The following NKAIN3 variants were observed in gnomAD, a reference collection of about 807,000 sequenced individuals.
The protein encoded by NKAIN3 is sodium/potassium-transporting ATPase subunit beta-1-interacting protein 3.
In NKAIN3, 25 loss-of-function variants were observed where a neutral mutation model predicts 30.2. The observed-to-expected ratio is 0.83, with a 90% CI of 0.60 to 1.16. NKAIN3 has a LOEUF of 1.16. Among genes scored for constraint, NKAIN3 ranks in the 50% most tolerant of loss-of-function variants. The pLI, the probability that NKAIN3 is intolerant of heterozygous loss-of-function variation, is 0.00. For missense variants in NKAIN3, 225 were observed against 254.1 expected, an observed-to-expected ratio of 0.89 and a Z score of 0.78; for synonymous variants, 91 against 89.6, an observed-to-expected ratio of 1.02 and a Z score of -0.09.
chr8:62,388,073 C>T (rs1022281790), intron 1 of NKAIN3, among the ~76,000 whole-genome samples: 1 of 152,054 alleles, frequency 6.6e-6, no homozygotes, highest in African/African-American at 2.4e-5. Flanking sequence ...CTTTTTAACA[C>T]CGTTAAATAA....
intron 4 of NKAIN3, among the ~76,000 whole-genome samples, chr8:62,764,379 G>C (rs1328573283): frequency 6.6e-6 from 1 of 152,206 alleles, no homozygotes; most frequent in African/African-American, 2.4e-5. Context: ...GTTGGGGAGA[G>C]GGCATTAATC....
In NKAIN3 at chr8:62,832,492, A is replaced by G. The variant is rs551118938; in HGVS notation, c.471+85363A>G. On this transcript the variant is annotated intron_variant, in intron 4 of 6. Transcript: ENST00000623646. The stretch of plus-strand genomic sequence containing the variant: ...AAAAGCGAAAACCCATCTGTCTGCT[A>G]TATTCAAGAGACCCAACTCACATGT... Among the ~76,000 whole-genome samples the G allele has an allele frequency of 2.0e-5, 3 of 150,942 alleles. No homozygotes were observed. In the South Asian group the frequency reaches 6.2e-4, roughly 31 times the overall value.
chr8:62,302,479 T>C (rs1319603900), intron 1 of NKAIN3, among the ~76,000 whole-genome samples: 1 of 152,082 alleles, frequency 6.6e-6, no homozygotes, highest in Non-Finnish European at 1.5e-5. Context: ...GATGTATCAA[T>C]AACAAAGACA....
chr8:62,613,661 C>A (rs1811358541), intron 3 of NKAIN3, among the ~76,000 whole-genome samples: 1 of 151,994 alleles, frequency 6.6e-6, no homozygotes, highest in African/African-American at 2.4e-5. Context: ...TAGATTTTCC[C>A]TTTTGAGGCC....
chr8:62,690,140 A>G (rs1244175094), intron 3 of NKAIN3, among the ~76,000 whole-genome samples: 1 of 152,106 alleles, frequency 6.6e-6, no homozygotes, highest in Non-Finnish European at 1.5e-5. Flanking sequence ...CACTAATCAC[A>G]GGGTGTTTCC....
intron 4 of NKAIN3, among the ~76,000 whole-genome samples, chr8:62,749,785 T>G (rs975443845): frequency 1.3e-5 from 2 of 149,746 alleles, no homozygotes; most frequent in Non-Finnish European, 1.5e-5. Context: ...CAGGTTCAAG[T>G]GATTCTCCTG....
chr8:62,537,009 C>A (rs776330081), intron 1 of NKAIN3, among the ~76,000 whole-genome samples: 6 of 152,050 alleles, frequency 3.9e-5, no homozygotes, highest in Admixed American at 6.6e-5. Flanking sequence ...GACATGGCAA[C>A]ACACACTGAA....
At chr8:62,522,698 G>A (rs1256585991) in intron 1 of NKAIN3, among the ~76,000 whole-genome samples, 1 of 151,566 alleles carries the variant, frequency 6.6e-6, no homozygotes, top group Non-Finnish European at 1.5e-5. Flanking sequence ...AGTTTAAAAA[G>A]TTAAAAAGAG....
At chr8:62,415,434 CAATT>C (rs1353612949) in intron 1 of NKAIN3, among the ~76,000 whole-genome samples, 1 of 149,730 alleles carries the variant, frequency 6.7e-6, no homozygotes, top group Non-Finnish European at 1.5e-5. Context: ...TCATCATCAT[CAATT>C]GTCTACATAG....
chr8:62,426,990 G>T (rs983621195), intron 1 of NKAIN3, among the ~76,000 whole-genome samples: 1 of 151,982 alleles, frequency 6.6e-6, no homozygotes, highest in African/African-American at 2.4e-5. Flanking sequence ...CCATGCTGGG[G>T]ACTGTTGTAT....
intron 5 of NKAIN3, among the ~76,000 whole-genome samples, chr8:62,951,666 G>A (rs1020378008): frequency 1.3e-5 from 2 of 151,952 alleles, no homozygotes; most frequent in African/African-American, 4.8e-5. Context: ...TTTCCCCATT[G>A]TTGCCCAGCT....
intron 5 of NKAIN3, among the ~76,000 whole-genome samples, chr8:62,952,420 G>T (rs1287895140): frequency 6.6e-6 from 1 of 152,112 alleles, no homozygotes; most frequent in Non-Finnish European, 1.5e-5. Context: ...TATATTTAGA[G>T]TAAATAAAAT....
chr8:62,278,890 G>A (rs868783488), intron 1 of NKAIN3, among the ~76,000 whole-genome samples: 2 of 152,030 alleles, frequency 1.3e-5, no homozygotes, highest in African/African-American at 4.8e-5. Context: ...TTGGGTATAT[G>A]CCCAGTAATT....
At chr8:62,903,988 A>G (rs1353902688) in intron 4 of NKAIN3, among the ~76,000 whole-genome samples, 2 of 152,300 alleles carry the variant, frequency 1.3e-5, no homozygotes, top group South Asian at 2.1e-4. Flanking sequence ...ATTCAAGGTG[A>G]GATTTGGGTG....
intron 1 of NKAIN3, among the ~76,000 whole-genome samples, chr8:62,414,668 A>G (rs959034117): frequency 2.0e-4 from 31 of 152,186 alleles, no homozygotes; most frequent in Non-Finnish European, 8.8e-5. Flanking sequence ...TACAGGTAAA[A>G]AGAACAGTAT....
At chr8:62,261,582 A>T (rs773519745) in intron 1 of NKAIN3, among the ~76,000 whole-genome samples, 2 of 152,346 alleles carry the variant, frequency 1.3e-5, no homozygotes, top group African/African-American at 2.4e-5. Flanking sequence ...GATGTCAAGT[A>T]ATCAATGGTG....
chr8:62,864,007 A>G, intron 4 of NKAIN3: 2 of 732,620 alleles, frequency 2.7e-6, no homozygotes, highest in Non-Finnish European at 5.0e-6. Flanking sequence ...TTGAGGCTCC[A>G]GCTTTGTAGG....
intron 1 of NKAIN3, among the ~76,000 whole-genome samples, chr8:62,287,335 T>C (rs1290088112): frequency 6.6e-6 from 1 of 151,976 alleles, no homozygotes; most frequent in African/African-American, 2.4e-5. Flanking sequence ...TGCATTAATA[T>C]GGAGTTTGGG....
chr8:62,416,499 G>T (rs931000240), intron 1 of NKAIN3, among the ~76,000 whole-genome samples: 1 of 152,106 alleles, frequency 6.6e-6, no homozygotes, highest in Non-Finnish European at 1.5e-5. Flanking sequence ...AAGACCAATG[G>T]CTATTTGTTG....
Sources: gnomAD v4.1 joint callset for allele counts (sites outside exome capture counted in the v4.1 genomes callset) on GRCh38, gnomAD v4.1.1 for gene constraint, MANE v1.5 for transcripts, NCBI Gene and HGNC (gene_info 2026-07-23, HGNC 2026-07-21) for gene names.